SETD2: variants seen among roughly 807,000 people sequenced by gnomAD.
SETD2 encodes the protein SET domain containing 2, histone lysine methyltransferase.
A neutral mutation model predicts 242.1 loss-of-function variants in SETD2; 31 were observed. The ratio of observed to expected loss-of-function variants is 0.13; its 90% CI spans 0.10 to 0.17. SETD2 has a LOEUF of 0.17. SETD2 is among the 10% of genes least tolerant of loss of function. The pLI, the probability that SETD2 is intolerant of heterozygous loss-of-function variation, is 1.00. For missense variants in SETD2, 2,481 were observed against 3,046.3 expected (o/e 0.81, Z 4.37); for synonymous variants, 1,006 against 1,066.5 (o/e 0.94, Z 1.11).
chr3:47,120,955 A>C lies in SETD2; in HGVS notation c.3681T>G (p.Asp1227Glu), dbSNP rs1340269021. Residue 1227 changes from aspartate to glutamate, a missense_variant, in exon 3 of 21, where the codon GAT (aspartate) becomes GAG (glutamate). Physicochemically the swap from Asp to Glu is conservative, Grantham distance 45 (BLOSUM62 2). Transcript: ENST00000409792. The stretch of plus-strand genomic sequence containing the variant: ...TCAATTCTGTTTTTCCCAGTCTACT[A>C]TCTGGCCTGTTTTGGAAAGTGGTCT... Reference protein sequence around the residue: ...WQQTTFQNRPDSRLGKTELSF... With the variant: ...WQQTTFQNRPESRLGKTELSF... 8.7e-6 allele frequency: 14 copies of C among 1,614,110 alleles called. No individual in the cohort carries two copies. Among genetic ancestry groups the C allele is most frequent in the Non-Finnish European group, 3.4e-6 (4 of 1,180,036 alleles).
rs1559742482 is a variant in SETD2, at chr3:47,120,884, G to A, written c.3752C>T (p.Ser1251Leu). Residue 1251 changes from serine (S) to leucine (L), a missense_variant, in exon 3 of 21, where the codon TCA becomes TTA. Ser to Leu is a moderately radical substitution (Grantham distance 145). Coordinates refer to ENST00000409792, the MANE Select transcript of SETD2 (RefSeq NM_014159.7). ...ACCTAAGTTTCTGAGCTCTTCTGAT[G>A]AGTGCAAGCCATCCACATGTGGTAT... ...CEIPHVDGLH[S>L]SEELRNLGWD... 1.2e-6 allele frequency: 2 copies of A among 1,614,200 alleles called. No homozygotes were observed. The highest frequency in any genetic ancestry group is 1.7e-6 in the Non-Finnish European group (2 of 1,180,034).
At chr3:47,058,440 C>CAAAAAAAAAAAAAAAAAAA (rs1174283471) in intron 14 of SETD2, among the ~76,000 whole-genome samples, 4 of 21,974 alleles carry the variant, frequency 1.8e-4, no homozygotes, top group African/African-American at 9.9e-4. Context: ...GACACCGTCT[C>CAAAAAAAAAAAAAAAAAAA]AAAAAAAAAA....
intron 1 of SETD2, among the ~76,000 whole-genome samples, chr3:47,141,982 CAT>C (rs1175413204): frequency 6.6e-6 from 1 of 151,960 alleles, no homozygotes; most frequent in East Asian, 1.9e-4. Flanking sequence ...ACTTGAAACA[CAT>C]ATTCTTACAA....
At chr3:47,086,382 C>T in intron 10 of SETD2, 68 bp from the exon 11 acceptor site, 2 of 1,522,254 alleles carry the variant, frequency 1.3e-6, no homozygotes, top group Non-Finnish European at 9.0e-7. Flanking sequence ...ACAAAGAGCC[C>T]GAGGAGAGTT....
At chr3:47,022,810 A>C (rs1487510071) in intron 18 of SETD2, among the ~76,000 whole-genome samples, 1 of 152,174 alleles carries the variant, frequency 6.6e-6, no homozygotes, top group East Asian at 1.9e-4. Context: ...TTCCTAGGAA[A>C]TCTGTTCTGA....
intron 5 of SETD2, among the ~76,000 whole-genome samples, chr3:47,108,875 C>T (rs1210378898): frequency 2.0e-5 from 3 of 152,134 alleles, no homozygotes; most frequent in Non-Finnish European, 4.4e-5. Context: ...AGAGAAGCTA[C>T]GTGTCTCAAT....
chr3:47,101,343 AAG>A (rs1256232226), intron 8 of SETD2, 113 bp downstream of exon 8: 28 of 623,738 alleles, frequency 4.5e-5, no homozygotes. Context: ...TCTTATAGAT[AAG>A]AGTTAAGAGT....
chr3:47,079,991 T>C (rs1480083654), intron 12 of SETD2, among the ~76,000 whole-genome samples: 3 of 152,216 alleles, frequency 2.0e-5, no homozygotes, highest in Non-Finnish European at 4.4e-5. Flanking sequence ...AATCTTACTC[T>C]AGTAAGAATT....
At chr3:47,163,661 C>G (rs1012366467) in intron 1 of SETD2, 193 bp downstream of exon 1, 2 of 362,224 alleles carry the variant, frequency 5.5e-6, no homozygotes, top group Non-Finnish European at 9.1e-6. Flanking sequence ...CGGGCCCAAC[C>G]GCGGGCCTGC....
chr3:47,144,160 C>G (rs62246446), intron 1 of SETD2, among the ~76,000 whole-genome samples: 20,473 of 152,080 alleles, frequency 0.13, 1,804 homozygotes, highest in East Asian at 0.23. Context: ...CTACTCCAAG[C>G]TGACAAAGTA....
chr3:47,040,463 A>G (rs2039227813), intron 17 of SETD2, among the ~76,000 whole-genome samples: 2 of 152,280 alleles, frequency 1.3e-5, no homozygotes, highest in Admixed American at 1.3e-4. Context: ...CAAATGACCA[A>G]CAATCGAATG....
rs146257535 is a variant in SETD2, at chr3:47,058,885, C to A, written c.6294-1395G>T. 5.9e-5 allele frequency among the ~76,000 whole-genome samples: 9 copies of A among 151,614 alleles called. No individual in the cohort carries two copies. The South Asian group carries it at 8.3e-4, about 14-fold the overall frequency. ...TCTCTGTTCACTGCAAGCTCCACCC[C>A]CCGGGTTCATGCCATTCTTCTGCCT... On this transcript the variant is annotated intron_variant, in intron 14 of 20. Coordinates refer to ENST00000409792, the MANE Select transcript of SETD2 (RefSeq NM_014159.7).
chr3:47,050,787 G>C (rs1424928488), intron 15 of SETD2, among the ~76,000 whole-genome samples: 1 of 134,114 alleles, frequency 7.5e-6, no homozygotes, highest in Non-Finnish European at 1.5e-5. Context: ...CGGAAGTGCA[G>C]TGGCGCAATC....
At chr3:47,161,746 G>A (rs1697493068) in intron 1 of SETD2, among the ~76,000 whole-genome samples, 2 of 151,988 alleles carry the variant, frequency 1.3e-5, no homozygotes, top group African/African-American at 2.4e-5. Flanking sequence ...AACCAGTAAC[G>A]TAATTTATTT....
rs375270648 is a variant in SETD2, at chr3:47,075,728, G to T, written c.6060+7992C>A. On this transcript the variant is annotated intron_variant, in intron 12 of 20. Coordinates refer to ENST00000409792, the MANE Select transcript of SETD2 (RefSeq NM_014159.7). The stretch of plus-strand genomic sequence containing the variant: ...ATCAGAAGACATAAGTCAATTGTCA[G>T]CTGTCACTTAAAAGCTAAGTTACAA... Among the ~76,000 whole-genome samples, 7 of 152,292 alleles carry T rather than the reference G, an allele frequency of 4.6e-5. No homozygotes were observed. The East Asian group carries it at 9.6e-4, about 21-fold the overall frequency.
intron 1 of SETD2, among the ~76,000 whole-genome samples, chr3:47,150,791 G>A (rs1023146715): frequency 7.3e-5 from 11 of 151,718 alleles, no homozygotes; most frequent in African/African-American, 2.7e-4. Flanking sequence ...AGACCCTGTC[G>A]CTACAAAAAA....
At position 47,084,041 on chromosome 3, in the gene SETD2, T is replaced by C; in HGVS notation, c.5739A>G (p.Glu1913=). The change falls in exon 12 of 21, where the codon GAA becomes GAG. Residue 1913 remains glutamate (E), a synonymous_variant. Transcript: ENST00000409792. ...CTTCCTCTTCCTCTACAGGGACATT[T>C]TCTAATTGATCAAGATCCTCTTTGC... ...KDGKEDLDQL[E]NVPVEEEEEL... The C allele has an allele frequency of 6.2e-7, 1 of 1,614,180 alleles. No homozygotes were observed. The highest frequency in any genetic ancestry group is 8.5e-7 in the Non-Finnish European group (1 of 1,180,038).
At chr3:47,079,776 A>T (rs1325021578) in intron 12 of SETD2, among the ~76,000 whole-genome samples, 4 of 152,240 alleles carry the variant, frequency 2.6e-5, no homozygotes, top group Non-Finnish European at 5.9e-5. Flanking sequence ...AAAAACAGAC[A>T]GTGGGGCAGA....
rs376179633 is a variant in SETD2 at position 47,062,360 on chromosome 3, G to A, written c.6110-14C>T. The A allele has an allele frequency of 5.9e-6, 9 of 1,526,070 alleles. No homozygotes were observed. The highest frequency in any genetic ancestry group is 2.3e-5 in the Admixed American group (1 of 43,160). The allele number at this position is 1,526,070 out of a possible 1,614,324, so 94.5% of individuals were successfully genotyped here. A position where few individuals can be genotyped will look rare whatever the true frequency, so the allele number is the denominator to read the frequency against. ...CTCGTTCAGTTGCTAAGGGAAAAGG[G>A]TGGTTTGTTTGTTTTTTTTTTTTTT... is the stretch of plus-strand genomic sequence containing the variant. On this transcript the variant is annotated splice_polypyrimidine_tract_variant and intron_variant, in intron 13 of 20. Coordinates refer to ENST00000409792, the MANE Select transcript of SETD2 (RefSeq NM_014159.7).
Sources: gnomAD v4.1 joint callset for allele counts (sites outside exome capture counted in the v4.1 genomes callset) on GRCh38, gnomAD v4.1.1 for gene constraint, MANE v1.5 for transcripts, NCBI Gene and HGNC (gene_info 2026-07-23, HGNC 2026-07-21) for gene names.